The following DDX39B variants were observed in gnomAD, a reference collection of about 807,000 sequenced individuals.
DDX39B encodes spliceosome RNA helicase DDX39B.
Under a neutral mutation model 46.4 loss-of-function variants are expected in DDX39B, and 6 were observed. That is an observed-to-expected ratio of 0.13 (90% confidence interval 0.07 to 0.26). The LOEUF is 0.26. Among genes scored for constraint, DDX39B ranks in the 10% least tolerant of loss-of-function variants. DDX39B has a pLI of 1.00. For synonymous variants in DDX39B, 174 were observed against 199.4 expected, an observed-to-expected ratio of 0.87 and a Z score of 1.07; for missense variants, 185 against 553.4, an observed-to-expected ratio of 0.33 and a Z score of 6.68.
chr6:31,541,469 T>C (rs985515573), intron 1 of DDX39B: 2 of 375,886 alleles, frequency 5.3e-6, no homozygotes, highest in Non-Finnish European at 1.1e-5. Context: ...ACACCAATCG[T>C]ATCGTAAACA....
intron 1 of DDX39B, chr6:31,541,070 T>C: frequency 3.8e-6 from 2 of 531,048 alleles, no homozygotes; most frequent in South Asian, 1.4e-5. Flanking sequence ...TTCCCTATTA[T>C]AATCCCACCG....
rs139596338 is a variant in DDX39B at position 31,540,561 on chromosome 6, G to C, written c.-29C>G. The stretch of plus-strand genomic sequence containing the variant: ...TGGGCCGGCAGGGGAAGAAGGGAAG[G>C]GGGATCTGGATGGGTTCTCGCAAAA... On this transcript the variant is annotated 5_prime_UTR_variant, in exon 2 of 11. Coordinates refer to ENST00000396172, the MANE Select transcript of DDX39B (RefSeq NM_004640.7). The C allele has an allele frequency of 5.1e-4, 828 of 1,612,178 alleles. 5 individuals are homozygous for C. The African/African-American group carries it at 9.7e-3, about 19-fold the overall frequency.
rs1397297096 is a variant in DDX39B at position 31,536,825 on chromosome 6, A to T, written c.433-142T>A. On this transcript the variant is annotated intron_variant, in intron 4 of 10. Coordinates refer to ENST00000396172, the MANE Select transcript of DDX39B (RefSeq NM_004640.7). ...ACTTTAGAGGGCACCTAATTTAAAA[A>T]TTTTATGTCCCCCCCACCAAACACT... 11 of 1,012,428 alleles carry T rather than the reference A, an allele frequency of 1.1e-5. No individual in the cohort carries two copies. In the African/African-American group the frequency reaches 1.8e-4, roughly 16 times the overall value. 62.7% of individuals were successfully genotyped at this position (1,012,428 alleles called of 1,614,324 possible).
rs1767154497 is a variant in DDX39B, at chr6:31,531,481, G to A, written c.868-76C>T. 1.2e-5 allele frequency: 16 copies of A among 1,287,552 alleles called. No individual in the cohort carries two copies. The East Asian group carries it at 3.3e-4, about 26-fold the overall frequency. 79.8% of individuals were successfully genotyped at this position (1,287,552 alleles called of 1,614,324 possible). On this transcript the variant is annotated intron_variant, in intron 7 of 10. Transcript: ENST00000396172. The surrounding 1 kb of genome is among the most constrained non-coding windows in gnomAD (Gnocchi z 5.8). Reference sequence around the variant, plus strand: ...GGTGTGTGAGAGACATTACGTGGGAGAGGGGAGTTTCTAGTAATTACGTTC... The same window carrying A: ...GGTGTGTGAGAGACATTACGTGGGAAAGGGGAGTTTCTAGTAATTACGTTC...
At chr6:31,532,649 A>G (rs1767302494) in intron 7 of DDX39B, 131 bp downstream of exon 7, 2 of 1,228,800 alleles carry the variant, frequency 1.6e-6, no homozygotes, top group South Asian at 2.9e-5. Flanking sequence ...AGCCCCTAAG[A>G]TATTTATACC....
In DDX39B at chr6:31,540,608, G is replaced by A; in HGVS notation, c.-76C>T. 3 of 1,387,852 alleles carry A rather than the reference G, an allele frequency of 2.2e-6. No homozygotes were observed. The highest frequency in any genetic ancestry group is 1.2e-5 in the South Asian group (1 of 85,894). 86.0% of individuals were successfully genotyped at this position (1,387,852 alleles called of 1,614,324 possible). On this transcript the variant is annotated 5_prime_UTR_variant, in exon 2 of 11. Transcript: ENST00000396172. ...AAAATAGGTGAAAACAAGGGGTGAA[G>A]AGTAGGGGATTGAGGAACAGCAAAG...
Position 31,531,467 on chromosome 6 carries a change from G to C in DDX39B, c.868-62C>G, listed in dbSNP as rs748507102. 9.0e-6 allele frequency: 13 copies of C among 1,445,464 alleles called. No homozygotes were observed. The highest frequency in any genetic ancestry group is 1.3e-5 in the Non-Finnish European group (13 of 1,032,172). 89.5% of individuals were successfully genotyped at this position (1,445,464 alleles called of 1,614,324 possible). On this transcript the variant is annotated intron_variant, in intron 7 of 10. Coordinates refer to ENST00000396172, the MANE Select transcript of DDX39B (RefSeq NM_004640.7). The surrounding 1 kb of genome is among the most constrained non-coding windows in gnomAD (Gnocchi z 5.8). ...GAATAGGGGTCCATGGTGTGTGAGA[G>C]ACATTACGTGGGAGAGGGGAGTTTC...
In DDX39B at chr6:31,541,967, G is replaced by T. The variant is rs1222041027; in HGVS notation, c.-150C>A. On this transcript the variant is annotated 5_prime_UTR_variant, in exon 1 of 11. Coordinates refer to ENST00000396172, the MANE Select transcript of DDX39B (RefSeq NM_004640.7). ...AAGCTTACCTAAACAGGGAGAGCGC[G>T]TATGGCGGCAGCAACAGCGACGAAG... The T allele has an allele frequency of 5.9e-6, 4 of 673,968 alleles. No individual in the cohort carries two copies. The highest frequency in any genetic ancestry group is 1.1e-5 in the Non-Finnish European group (4 of 364,054). The allele number at this position is 673,968 out of a possible 1,614,324, so 41.7% of individuals were successfully genotyped here. A position where few individuals can be genotyped will look rare whatever the true frequency, so the allele number is the denominator to read the frequency against.
At position 31,536,662 on chromosome 6, in the gene DDX39B, G is replaced by C; in HGVS notation, c.454C>G (p.Leu152Val). 1 of 1,611,616 alleles carries C rather than the reference G, an allele frequency of 6.2e-7. No individual in the cohort carries two copies. Among genetic ancestry groups the C allele is most frequent in the Non-Finnish European group, 8.5e-7 (1 of 1,179,578 alleles). The change falls in exon 5 of 11, where the codon CTG (leucine) becomes GTG (valine). Residue 152 changes from leucine (L) to valine (V), a missense_variant. Transcript: ENST00000396172. Reference sequence around the variant, plus strand: ...ACCTCTTCATCCTTCTTGATAGACAGACCACCAAAAAAAACAGCAACCTGC... The same window carrying C: ...ACCTCTTCATCCTTCTTGATAGACACACCACCAAAAAAAACAGCAACCTGC... ...NVKVAVFFGG[L>V]SIKKDEEVLK...
At position 31,531,485 on chromosome 6, in the gene DDX39B, G is replaced by A. The variant is rs187152246; in HGVS notation, c.868-80C>T. 2.8e-4 allele frequency: 327 copies of A among 1,188,678 alleles called. 2 individuals carry two copies. The highest frequency in any genetic ancestry group is 2.0e-3 in the South Asian group (157 of 77,990). 73.6% of individuals were successfully genotyped at this position (1,188,678 alleles called of 1,614,324 possible). On this transcript the variant is annotated intron_variant, in intron 7 of 10. Transcript: ENST00000396172. This position sits in a 1 kb window ranked among gnomAD's most constrained non-coding sequence, Gnocchi z 5.8. ...TGTGAGAGACATTACGTGGGAGAGG[G>A]GAGTTTCTAGTAATTACGTTCTCAG...
chr6:31,535,630 G>A lies in DDX39B; in HGVS notation c.617-145C>T. On this transcript the variant is annotated intron_variant, in intron 5 of 10. Transcript: ENST00000396172. This position sits in a 1 kb window ranked among gnomAD's most constrained non-coding sequence, Gnocchi z 4.6. ...GCAATGGACTTGGAATCAAGAAGTG[G>A]GATCAGATTCCAGCTGTTTGTTTTA... 4.5e-6 allele frequency: 3 copies of A among 660,356 alleles called. No individual in the cohort carries two copies. The highest frequency in any genetic ancestry group is 1.9e-5 in the South Asian group (1 of 51,832). 40.9% of individuals were successfully genotyped at this position (660,356 alleles called of 1,614,324 possible).
Position 31,535,526 on chromosome 6 carries a change from G to A in DDX39B, c.617-41C>T, listed in dbSNP as rs1163985524. ...AAAAAATTGTAGGAGAAAATAAGCA[G>A]GTATGATAAACAAAGATTAGAGGTA... On this transcript the variant is annotated intron_variant, in intron 5 of 10. Coordinates refer to ENST00000396172, the MANE Select transcript of DDX39B (RefSeq NM_004640.7). This position sits in a 1 kb window ranked among gnomAD's most constrained non-coding sequence, Gnocchi z 4.6. The A allele has an allele frequency of 6.5e-7, 1 of 1,534,408 alleles. No homozygotes were observed. Among genetic ancestry groups the A allele is most frequent in the South Asian group, 1.1e-5 (1 of 88,824 alleles).
In DDX39B at chr6:31,532,848, C is replaced by A; in HGVS notation, c.799G>T (p.Val267Leu). The A allele has an allele frequency of 5.0e-6, 8 of 1,608,276 alleles. No individual in the cohort carries two copies. Among genetic ancestry groups the A allele is most frequent in the Non-Finnish European group, 6.8e-6 (8 of 1,177,914 alleles). The change falls in exon 7 of 11, where the codon GTG becomes TTG. Residue 267 changes from valine to leucine, a missense_variant. This residue lies in a region of DDX39B where 110 missense variants were observed against 282.2 expected (regional missense o/e 0.39). Coordinates refer to ENST00000396172, the MANE Select transcript of DDX39B (RefSeq NM_004640.7). ...TTCTTCTCGTTGTCCTTCAGTTTCA[C>A]GTAGTACTGCTGCAACCCATGCAGC... is the stretch of plus-strand genomic sequence containing the variant. ...LTLHGLQQYY[V>L]KLKDNEKNRK...
chr6:31,539,777 C>A (rs1768194411), intron 2 of DDX39B, among the ~76,000 whole-genome samples: 1 of 152,128 alleles, frequency 6.6e-6, no homozygotes, highest in Non-Finnish European at 1.5e-5. Context: ...CAGAGGGAGA[C>A]TACAGGTCCA....
intron 2 of DDX39B, 51 bp downstream of exon 2, chr6:31,540,271 T>A: frequency 6.3e-7 from 1 of 1,579,712 alleles, no homozygotes; most frequent in Non-Finnish European, 8.7e-7. Context: ...CATCTTTGTA[T>A]TGTACCCTTA....
intron 4 of DDX39B, 48 bp downstream of exon 4, chr6:31,538,715 C>T: frequency 6.5e-7 from 1 of 1,541,610 alleles, no homozygotes; most frequent in South Asian, 1.2e-5. Flanking sequence ...TTTCTTATCC[C>T]TCCAACTTGC....
chr6:31,532,915 G>C lies in DDX39B; in HGVS notation c.736-4C>G, dbSNP rs761598228. 5 of 1,486,080 alleles carry C rather than the reference G, an allele frequency of 3.4e-6. No homozygotes were observed. In the East Asian group the frequency reaches 8.6e-5, roughly 26 times the overall value. The allele number at this position is 1,486,080 out of a possible 1,614,324, so 92.1% of individuals were successfully genotyped here. A position where few individuals can be genotyped will look rare whatever the true frequency, so the allele number is the denominator to read the frequency against. On this transcript the variant is annotated splice_polypyrimidine_tract_variant and splice_region_variant and intron_variant, in intron 6 of 10. Transcript: ENST00000396172. ...CATCCACGAAGATCTCCATTGGCTG[G>C]GGGGGAGGAAGGGGGTGGGGAACGG...
intron 3 of DDX39B, 116 bp from the exon 4 acceptor site, chr6:31,538,971 G>C (rs753604795): frequency 5.1e-5 from 75 of 1,468,658 alleles, no homozygotes; most frequent in East Asian, 2.3e-5. Context: ...TCAATTATGT[G>C]ATCTAAATCA....
intron 2 of DDX39B, 95 bp from the exon 3 acceptor site, chr6:31,539,369 T>G: frequency 6.5e-7 from 1 of 1,530,712 alleles, no homozygotes; most frequent in Admixed American, 1.9e-5. Context: ...ACCACTCAAT[T>G]CTCAAAGTCT....
Sources: gnomAD v4.1 joint callset for allele counts (sites outside exome capture counted in the v4.1 genomes callset) on GRCh38, gnomAD v4.1.1 for gene constraint, gnomAD v4.1.1 regional missense constraint, Gnocchi (gnomAD v3.1) non-coding constraint, MANE v1.5 for transcripts, NCBI Gene and HGNC (gene_info 2026-07-23, HGNC 2026-07-21) for gene names.